The following FHIT variants were observed in gnomAD, a reference collection of about 807,000 sequenced individuals.
FHIT encodes the protein bis(5'-adenosyl)-triphosphatase.
A neutral mutation model predicts 17.9 loss-of-function variants in FHIT; 19 were observed. The observed-to-expected ratio is 1.06, with a 90% CI of 0.74 to 1.56. The LOEUF is 1.56. FHIT is among the 40% of genes most tolerant of loss of function. The pLI is 0.00. For synonymous variants in FHIT, 81 were observed against 69.7 expected (o/e 1.16, Z -0.81); for missense variants, 248 against 189.2 (o/e 1.31, Z -1.82).
intron 4 of FHIT, among the ~76,000 whole-genome samples, chr3:60,774,263 G>A (rs958683918): frequency 1.6e-4 from 24 of 150,028 alleles, no homozygotes; most frequent in African/African-American, 6.1e-4. Context: ...TATACATACT[G>A]TTTTTTCCCT....
At chr3:60,233,970 C>T (rs191268248) in intron 5 of FHIT, among the ~76,000 whole-genome samples, 31 of 152,270 alleles carry the variant, frequency 2.0e-4, no homozygotes, top group Non-Finnish European at 3.2e-4. Flanking sequence ...TTACAAATTA[C>T]GTCTCAGGTA....
intron 7 of FHIT, among the ~76,000 whole-genome samples, chr3:59,988,872 C>G (rs11921987): frequency 0.018 from 2,814 of 152,170 alleles, 77 homozygotes; most frequent in African/African-American, 0.063. Flanking sequence ...GGGCAAAGCT[C>G]TGAAAGTAAA....
At chr3:60,378,127 C>T (rs988694674) in intron 5 of FHIT, among the ~76,000 whole-genome samples, 2 of 151,940 alleles carry the variant, frequency 1.3e-5, no homozygotes, top group African/African-American at 4.8e-5. Context: ...CCTGGGTTCA[C>T]GCCATTTTCC....
chr3:60,631,092 G>T (rs77107344), intron 4 of FHIT, among the ~76,000 whole-genome samples: 1 of 151,838 alleles, frequency 6.6e-6, no homozygotes, highest in Non-Finnish European at 1.5e-5. Context: ...ATTTCACAGG[G>T]GACAACAGAT....
chr3:60,336,101 A>C (rs1710225658), intron 5 of FHIT, among the ~76,000 whole-genome samples: 1 of 152,222 alleles, frequency 6.6e-6, no homozygotes. Flanking sequence ...CAATCATGAA[A>C]GAAAACTAAT....
intron 4 of FHIT, among the ~76,000 whole-genome samples, chr3:60,621,144 A>AT (rs11370683): frequency 0.35 from 33,548 of 95,122 alleles, 6,238 homozygotes; most frequent in Non-Finnish European, 0.4. Flanking sequence ...TCTACTTTTG[A>AT]TTTTTTTTTT....
chr3:60,675,932 T>C (rs1480317234), intron 4 of FHIT, among the ~76,000 whole-genome samples: 2 of 152,228 alleles, frequency 1.3e-5, no homozygotes, highest in African/African-American at 4.8e-5. Context: ...TTTTAAGTTT[T>C]TATTTATTGA....
chr3:59,752,039 A>T (rs1040763310), intron 9 of FHIT, 182 bp downstream of exon 9: 1 of 494,588 alleles, frequency 2.0e-6, no homozygotes, highest in African/African-American at 2.0e-5. Context: ...GTTGGAAGAG[A>T]CTGGGAGGCT....
chr3:60,185,621 G>C (rs189957754), intron 5 of FHIT, among the ~76,000 whole-genome samples: 2 of 152,254 alleles, frequency 1.3e-5, no homozygotes, highest in Admixed American at 1.3e-4. Flanking sequence ...TTTCATATCA[G>C]TTGGGTAAAT....
chr3:59,955,419 T>C (rs1322514952), intron 7 of FHIT, among the ~76,000 whole-genome samples: 1 of 152,210 alleles, frequency 6.6e-6, no homozygotes, highest in South Asian at 2.1e-4. Context: ...CTCAATTCTA[T>C]ATCCTCTTAT....
intron 5 of FHIT, among the ~76,000 whole-genome samples, chr3:60,380,414 C>T (rs531801604): frequency 2.4e-4 from 36 of 152,312 alleles, no homozygotes; most frequent in African/African-American, 8.4e-4. Flanking sequence ...CCCTGCAGAA[C>T]CATGAACCAA....
chr3:60,685,300 C>G (rs1277260990), intron 4 of FHIT, among the ~76,000 whole-genome samples: 1 of 152,162 alleles, frequency 6.6e-6, no homozygotes, highest in Non-Finnish European at 1.5e-5. Context: ...TGCCTTATGT[C>G]AATTCAATCC....
intron 4 of FHIT, among the ~76,000 whole-genome samples, chr3:60,574,955 GCTT>G (rs1189180086): frequency 6.6e-6 from 1 of 151,716 alleles, no homozygotes; most frequent in Non-Finnish European, 1.5e-5. Context: ...TTGACTCTGA[GCTT>G]CTTGAGGTTG....
intron 5 of FHIT, among the ~76,000 whole-genome samples, chr3:60,389,305 C>A (rs1200654575): frequency 6.6e-6 from 1 of 151,092 alleles, no homozygotes; most frequent in African/African-American, 2.5e-5. Flanking sequence ...GGCTTACTAC[C>A]CTGCATGATA....
At chr3:60,318,248 A>ACTG (rs1443974118) in intron 5 of FHIT, among the ~76,000 whole-genome samples, 8 of 152,216 alleles carry the variant, frequency 5.3e-5, no homozygotes, top group African/African-American at 1.9e-4. Context: ...AATTACAGTA[A>ACTG]CTGCTTGCCT....
intron 3 of FHIT, among the ~76,000 whole-genome samples, chr3:60,981,976 A>C (rs1710516593): frequency 6.6e-6 from 1 of 152,144 alleles, no homozygotes; most frequent in African/African-American, 2.4e-5. Flanking sequence ...CCTTCACTCC[A>C]TCTCGGCAGA....
chr3:60,074,385 C>G (rs1702914623), intron 5 of FHIT, among the ~76,000 whole-genome samples: 1 of 152,114 alleles, frequency 6.6e-6, no homozygotes, highest in Non-Finnish European at 1.5e-5. Flanking sequence ...TCCCATGCCA[C>G]TTCTCTAACT....
At chr3:60,032,333 T>C (rs1701035391) in intron 5 of FHIT, among the ~76,000 whole-genome samples, 1 of 151,934 alleles carries the variant, frequency 6.6e-6, no homozygotes, top group East Asian at 1.9e-4. Flanking sequence ...GCACGTGTGG[T>C]CTCAGCTACT....
At chr3:59,822,098 T>A (rs892037476) in intron 8 of FHIT, among the ~76,000 whole-genome samples, 2 of 152,218 alleles carry the variant, frequency 1.3e-5, no homozygotes, top group Non-Finnish European at 2.9e-5. Context: ...TAGTCCCCAG[T>A]TCCATCCAGG....
Sources: gnomAD v4.1 joint callset for allele counts (sites outside exome capture counted in the v4.1 genomes callset) on GRCh38, gnomAD v4.1.1 for gene constraint, MANE v1.5 for transcripts, NCBI Gene and HGNC (gene_info 2026-07-23, HGNC 2026-07-21) for gene names.